Variants in KIF26B observed in about 807,000 individuals in gnomAD.
KIF26B encodes kinesin-like protein KIF26B.
Under a neutral mutation model 151.2 loss-of-function variants are expected in KIF26B, and 63 were observed. The ratio of observed to expected loss-of-function variants is 0.42; its 90% CI spans 0.34 to 0.51. KIF26B has a LOEUF of 0.51. Among genes scored for constraint, KIF26B ranks in the 20% least tolerant of loss-of-function variants. The pLI is 0.07. For synonymous variants in KIF26B, 1,357 were observed against 1,262.1 expected (o/e 1.08, Z -1.59); for missense variants, 2,813 against 2,913.6 (o/e 0.97, Z 0.79).
chr1:245,273,937 G>GT (rs1233734272), intron 2 of KIF26B, among the ~76,000 whole-genome samples: 1 of 152,008 alleles, frequency 6.6e-6, no homozygotes, highest in East Asian at 1.9e-4. Flanking sequence ...TAGCTCTTTT[G>GT]TCCCTCTCAC....
chr1:245,647,341 C>A (rs2043961429), intron 10 of KIF26B, among the ~76,000 whole-genome samples: 1 of 137,682 alleles, frequency 7.3e-6, no homozygotes, highest in African/African-American at 2.8e-5. Context: ...AGGAGAATGG[C>A]ATGAAACCAG....
chr1:245,353,313 AT>A (rs1183949305), intron 2 of KIF26B, among the ~76,000 whole-genome samples: 2 of 152,198 alleles, frequency 1.3e-5, no homozygotes, highest in Admixed American at 6.5e-5. Flanking sequence ...TAGAAGGTTC[AT>A]TCAAAAAAGA....
At chr1:245,313,844 T>TA (rs1671710069) in intron 2 of KIF26B, among the ~76,000 whole-genome samples, 1 of 152,168 alleles carries the variant, frequency 6.6e-6, no homozygotes, top group African/African-American at 2.4e-5. Flanking sequence ...CTGAAACTGT[T>TA]AAAGCTCCTT....
chr1:245,272,953 A>T (rs1670876686), intron 2 of KIF26B, among the ~76,000 whole-genome samples: 1 of 152,118 alleles, frequency 6.6e-6, no homozygotes, highest in Non-Finnish European at 1.5e-5. Context: ...CGTATCCTGG[A>T]GAATGTTCTG....
intron 2 of KIF26B, among the ~76,000 whole-genome samples, chr1:245,219,048 C>G (rs745934069): frequency 3.1e-4 from 46 of 148,118 alleles, no homozygotes; most frequent in Non-Finnish European, 6.1e-4. Context: ...GTGTCTTGTT[C>G]TGACCGTGGG....
intron 5 of KIF26B, among the ~76,000 whole-genome samples, chr1:245,587,836 A>G (rs1235145279): frequency 6.6e-6 from 1 of 152,182 alleles, no homozygotes; most frequent in Admixed American, 6.5e-5. Context: ...ATTCCGTATG[A>G]AGAGAAAAGG....
intron 2 of KIF26B, among the ~76,000 whole-genome samples, chr1:245,279,950 A>AATG (rs1381721628): frequency 4.6e-4 from 70 of 152,130 alleles, no homozygotes; most frequent in African/African-American, 1.7e-3. Context: ...TTGGCTGCTT[A>AATG]AATCACTCCG....
At chr1:245,459,046 C>G (rs1659597012) in intron 4 of KIF26B, among the ~76,000 whole-genome samples, 2 of 152,154 alleles carry the variant, frequency 1.3e-5, no homozygotes, top group Admixed American at 1.3e-4. Context: ...TCAGGCTTAC[C>G]AAAGGACTTA....
Position 245,705,002 on chromosome 1 carries a change from T to C in KIF26B, c.*2396T>C, listed in dbSNP as rs1346762104. 1 of 152,270 alleles carries C rather than the reference T, an allele frequency of 6.6e-6. No individual in the cohort carries two copies. The highest frequency in any genetic ancestry group is 1.5e-5 in the Non-Finnish European group (1 of 68,060). 9.4% of individuals were successfully genotyped at this position (152,270 alleles called of 1,614,324 possible). Reference sequence around the variant, plus strand: ...TTCCTTCCATGCTGCACTGCCTTCCTTTAGCCAGTGACAGAGCCTGGTGCC... The same window carrying C: ...TTCCTTCCATGCTGCACTGCCTTCCCTTAGCCAGTGACAGAGCCTGGTGCC... On this transcript the variant is annotated 3_prime_UTR_variant, in exon 15 of 15. Transcript: ENST00000407071.
chr1:245,157,580 G>A lies in KIF26B; in HGVS notation c.465+897G>A, dbSNP rs1034675271. Among the ~76,000 whole-genome samples, 6 of 152,206 alleles carry A rather than the reference G, an allele frequency of 3.9e-5. No individual in the cohort carries two copies. In the South Asian group the frequency reaches 6.2e-4, roughly 16 times the overall value. On this transcript the variant is annotated intron_variant, in intron 2 of 14. Transcript: ENST00000407071. ...GACTGCGTCTGCTGGCCCAACCTGC[G>A]TATGCAGATACACACGTTGATGTTT...
In KIF26B at chr1:245,687,281, AAG is replaced by A. The variant is rs1192970275; in HGVS notation, c.4302_4303del (p.Glu1434AspfsTer4). On this transcript the variant is annotated frameshift_variant, in exon 12 of 15. Transcript: ENST00000407071. LOFTEE classifies it high-confidence loss of function. The surrounding 1 kb of genome is among the most constrained non-coding windows in gnomAD (Gnocchi z 4.9). ...GAGAGTAAGGAAAACAGTGCAAAGAAAGAGATGAAATTTGAGGACCCGTGGCT... is the reference window on the plus strand; with the variant it reads ...GAGAGTAAGGAAAACAGTGCAAAGAAAGATGAAATTTGAGGACCCGTGGCT... 2 of 1,610,510 alleles carry A rather than the reference AAG, an allele frequency of 1.2e-6. No individual in the cohort carries two copies. The highest frequency in any genetic ancestry group is 1.7e-5 in the Admixed American group (1 of 59,516).
At chr1:245,561,974 G>T (rs564926651) in intron 5 of KIF26B, among the ~76,000 whole-genome samples, 1 of 152,076 alleles carries the variant, frequency 6.6e-6, no homozygotes, top group Non-Finnish European at 1.5e-5. Flanking sequence ...TGTGGATGCT[G>T]AAGGGCACTC....
chr1:245,480,883 C>T (rs181090159), intron 4 of KIF26B, among the ~76,000 whole-genome samples: 1 of 151,462 alleles, frequency 6.6e-6, no homozygotes, highest in Admixed American at 6.6e-5. Flanking sequence ...GTCATCTGGG[C>T]CCATTTCCTC....
chr1:245,312,923 A>G (rs1302075488), intron 2 of KIF26B, among the ~76,000 whole-genome samples: 1 of 152,138 alleles, frequency 6.6e-6, no homozygotes, highest in Non-Finnish European at 1.5e-5. Context: ...GCACTTTGGG[A>G]GGCTGAGGCG....
intron 4 of KIF26B, among the ~76,000 whole-genome samples, chr1:245,464,439 G>A (rs1222567136): frequency 1.3e-5 from 2 of 151,250 alleles, no homozygotes; most frequent in Non-Finnish European, 2.9e-5. Flanking sequence ...GTGCATGTCT[G>A]GGTGTGTGGG....
intron 2 of KIF26B, among the ~76,000 whole-genome samples, chr1:245,357,653 A>T (rs1672729371): frequency 1.3e-5 from 2 of 151,986 alleles, no homozygotes. Flanking sequence ...TGACCCCCAA[A>T]AGTTTTCTCA....
chr1:245,437,846 C>T (rs902324596), intron 4 of KIF26B, among the ~76,000 whole-genome samples: 8 of 152,124 alleles, frequency 5.3e-5, no homozygotes, highest in African/African-American at 9.7e-5. Context: ...CCACCACAGC[C>T]GTGAAATCCA....
chr1:245,596,435 G>A (rs1160286890), intron 5 of KIF26B, among the ~76,000 whole-genome samples: 1 of 152,212 alleles, frequency 6.6e-6, no homozygotes, highest in Non-Finnish European at 1.5e-5. Flanking sequence ...TCATTCAGAA[G>A]CAGGTTGTTC....
At chr1:245,225,513 A>G (rs1669856155) in intron 2 of KIF26B, among the ~76,000 whole-genome samples, 1 of 152,210 alleles carries the variant, frequency 6.6e-6, no homozygotes, top group Non-Finnish European at 1.5e-5. Flanking sequence ...GAGAAGAGGA[A>G]TGAGCCTATT....
Sources: allele counts gnomAD v4.1 joint callset (sites outside exome capture counted in the v4.1 genomes callset), GRCh38; gene constraint gnomAD v4.1.1; non-coding constraint Gnocchi (gnomAD v3.1); transcripts MANE v1.5; gene names NCBI Gene and HGNC (gene_info 2026-07-23, HGNC 2026-07-21).